The following FAM220A variants were observed in gnomAD, a reference collection of about 807,000 sequenced individuals.
FAM220A encodes family with sequence similarity 220 member A.
For missense variants in FAM220A, 392 were observed against 321.6 expected (o/e 1.22, Z -1.68); for synonymous variants, 141 against 130.7 (o/e 1.08, Z -0.54).
At chr7:6,342,183 CT>C (rs1321809584) in intron 1 of FAM220A, among the ~76,000 whole-genome samples, 2 of 151,994 alleles carry the variant, frequency 1.3e-5, no homozygotes, top group Non-Finnish European at 2.9e-5. Flanking sequence ...ATTTTCTTTC[CT>C]TTCTTTTTTC....
chr7:6,343,325 C>CA (rs1197521688), intron 1 of FAM220A, among the ~76,000 whole-genome samples: 1 of 145,992 alleles, frequency 6.8e-6, no homozygotes, highest in East Asian at 2.0e-4. Flanking sequence ...TGCAGTGATC[C>CA]AAAATCACAC....
Position 6,348,581 on chromosome 7 carries a change from G to T in FAM220A, c.-90C>A. 4.6e-6 allele frequency: 2 copies of T among 437,188 alleles called. No homozygotes were observed. Among genetic ancestry groups the T allele is most frequent in the Admixed American group, 4.0e-5 (1 of 25,200 alleles). 27.1% of individuals were successfully genotyped at this position (437,188 alleles called of 1,614,324 possible). ...AGGCACGGCTCACCCACCTGCAGGC[G>T]GACGTTGAGCATCATGGAAGCCACG... On this transcript the variant is annotated 5_prime_UTR_variant, in exon 1 of 2. Transcript: ENST00000313324.
chr7:6,333,818 A>C (rs1329126373), intron 1 of FAM220A, among the ~76,000 whole-genome samples: 3 of 148,358 alleles, frequency 2.0e-5, no homozygotes, highest in Non-Finnish European at 4.5e-5. Flanking sequence ...TGTTGCCTAG[A>C]ATGGTCTCGA....
intron 1 of FAM220A, among the ~76,000 whole-genome samples, chr7:6,341,261 G>T (rs1019229942): frequency 4.0e-5 from 6 of 151,456 alleles, no homozygotes; most frequent in Non-Finnish European, 7.4e-5. Flanking sequence ...TGGCTAACAC[G>T]GTGAAACCCC....
rs1781600173 is a variant in FAM220A, at chr7:6,330,230, A to T, written c.*145T>A. On this transcript the variant is annotated 3_prime_UTR_variant, in exon 2 of 2. Coordinates refer to ENST00000313324, the MANE Select transcript of FAM220A (RefSeq NM_001037163.2). ...CCGCATCAACTGGCTTTGAATTTAA[A>T]CTCAATTTACTTTAAGTCTGCCAGG... 5 of 802,414 alleles carry T rather than the reference A, an allele frequency of 6.2e-6. No homozygotes were observed. The highest frequency in any genetic ancestry group is 3.1e-5 in the Admixed American group (1 of 31,820). The allele number at this position is 802,414 out of a possible 1,614,324, so 49.7% of individuals were successfully genotyped here. A position where few individuals can be genotyped will look rare whatever the true frequency, so the allele number is the denominator to read the frequency against.
In FAM220A at chr7:6,330,278, C is replaced by G; in HGVS notation, c.*97G>C. ...AGGTCGTACAAAACTACAGCAGGAA[C>G]CTAAGGGCTGCACAGTTTGCATCCA... On this transcript the variant is annotated 3_prime_UTR_variant, in exon 2 of 2. Coordinates refer to ENST00000313324, the MANE Select transcript of FAM220A (RefSeq NM_001037163.2). The G allele has an allele frequency of 1.8e-6, 2 of 1,133,220 alleles. No individual in the cohort carries two copies. The highest frequency in any genetic ancestry group is 2.5e-6 in the Non-Finnish European group (2 of 799,430). 70.2% of individuals were successfully genotyped at this position (1,133,220 alleles called of 1,614,324 possible).
chr7:6,336,662 A>G (rs1781753364), intron 1 of FAM220A, among the ~76,000 whole-genome samples: 1 of 149,908 alleles, frequency 6.7e-6, no homozygotes, highest in Non-Finnish European at 1.5e-5. Flanking sequence ...CCAGCCTGAG[A>G]GAGCGAGCAA....
intron 1 of FAM220A, among the ~76,000 whole-genome samples, chr7:6,346,407 C>A (rs1583242717): frequency 6.6e-6 from 1 of 152,166 alleles, no homozygotes; most frequent in South Asian, 2.1e-4. Flanking sequence ...CTTACTGTCG[C>A]CCAGGCTGGA....
chr7:6,344,828 C>T (rs1438954070), intron 1 of FAM220A, among the ~76,000 whole-genome samples: 1 of 151,844 alleles, frequency 6.6e-6, no homozygotes, highest in Non-Finnish European at 1.5e-5. Context: ...GTAACCTCCA[C>T]CTCCCAGGGT....
At chr7:6,337,483 G>C (rs1238352916) in intron 1 of FAM220A, among the ~76,000 whole-genome samples, 1 of 151,742 alleles carries the variant, frequency 6.6e-6, no homozygotes, top group Non-Finnish European at 1.5e-5. Context: ...GAAAAATTAA[G>C]TTTCTAACCA....
intron 1 of FAM220A, among the ~76,000 whole-genome samples, chr7:6,343,693 C>T (rs1202268909): frequency 2.0e-5 from 3 of 151,954 alleles, no homozygotes. Flanking sequence ...TAACCATTCT[C>T]AGTATACAAC....
Position 6,330,690 on chromosome 7 carries a change from C to T in FAM220A, c.465G>A (p.Leu155=). ...TTTCCGGCACTTTTTGATGGCGTGG[C>T]AGTCGTGACACCCGAGGCTCTCCTT... The part of the protein sequence containing the change: ...CPKGEPRVSR[L]PRHQKVPEMG... The change falls in exon 2 of 2, where the codon CTG becomes CTA. Residue 155 remains leucine, a synonymous_variant. Transcript: ENST00000313324. 6.2e-7 allele frequency: 1 copy of T among 1,614,102 alleles called. No homozygotes were observed. Among genetic ancestry groups the T allele is most frequent in the Non-Finnish European group, 8.5e-7 (1 of 1,180,024 alleles).
At chr7:6,333,168 C>CAAAAAAAAAAAACA (rs1781672893) in intron 1 of FAM220A, among the ~76,000 whole-genome samples, 1 of 127,998 alleles carries the variant, frequency 7.8e-6, no homozygotes. Flanking sequence ...ATAAAAAAAT[C>CAAAAAAAAAAAACA]AAAAAAAAAA....
chr7:6,332,380 C>T (rs999482827), intron 1 of FAM220A, among the ~76,000 whole-genome samples: 1 of 152,152 alleles, frequency 6.6e-6, no homozygotes, highest in Non-Finnish European at 1.5e-5. Flanking sequence ...CCTATGGATA[C>T]TGACCAGCTT....
chr7:6,345,187 G>A (rs1424702002), intron 1 of FAM220A, among the ~76,000 whole-genome samples: 2 of 151,760 alleles, frequency 1.3e-5, no homozygotes, highest in African/African-American at 2.4e-5. Flanking sequence ...TCATGATCAC[G>A]GCTCACTGCA....
intron 1 of FAM220A, among the ~76,000 whole-genome samples, chr7:6,337,518 A>G (rs1392324521): frequency 6.6e-6 from 1 of 151,830 alleles, no homozygotes; most frequent in African/African-American, 2.4e-5. Flanking sequence ...TTGTACAAGG[A>G]TTTAGCATTG....
intron 1 of FAM220A, among the ~76,000 whole-genome samples, chr7:6,339,170 C>T (rs1781802423): frequency 6.6e-6 from 1 of 152,166 alleles, no homozygotes; most frequent in African/African-American, 2.4e-5. Context: ...CTTGGCACGT[C>T]TAAATCACAC....
In FAM220A at chr7:6,329,623, G is replaced by A. The variant is rs867335185; in HGVS notation, c.*752C>T. On this transcript the variant is annotated 3_prime_UTR_variant, in exon 2 of 2. Coordinates refer to ENST00000313324, the MANE Select transcript of FAM220A (RefSeq NM_001037163.2). The stretch of plus-strand genomic sequence containing the variant: ...TAAAGTTATCAACAGACGACAACAG[G>A]AGTCACCTTGAAAAATTTTAGGGTA... The A allele has an allele frequency of 6.2e-6, 1 of 161,116 alleles. No individual in the cohort carries two copies. The highest frequency in any genetic ancestry group is 1.9e-4 in the East Asian group (1 of 5,176). The allele number at this position is 161,116 out of a possible 1,614,324, so 10.0% of individuals were successfully genotyped here. A position where few individuals can be genotyped will look rare whatever the true frequency, so the allele number is the denominator to read the frequency against.
chr7:6,348,563 G>A lies in FAM220A; in HGVS notation c.-82+10C>T, dbSNP rs1781999983. 2.3e-6 allele frequency: 1 copy of A among 435,396 alleles called. No individual in the cohort carries two copies. Among genetic ancestry groups the A allele is most frequent in the Non-Finnish European group, 4.1e-6 (1 of 243,590 alleles). 27.0% of individuals were successfully genotyped at this position (435,396 alleles called of 1,614,324 possible). The stretch of plus-strand genomic sequence containing the variant: ...GAGGGCCGGGGGCCGGGCAGGCACG[G>A]CTCACCCACCTGCAGGCGGACGTTG... On this transcript the variant is annotated intron_variant, in intron 1 of 1. Transcript: ENST00000313324.
Sources: gnomAD v4.1 joint callset for allele counts (sites outside exome capture counted in the v4.1 genomes callset) on GRCh38, gnomAD v4.1.1 for gene constraint, MANE v1.5 for transcripts, NCBI Gene and HGNC (gene_info 2026-07-23, HGNC 2026-07-21) for gene names.